Variants in SHANK2 observed in about 807,000 individuals in gnomAD.
SHANK2 encodes SH3 and multiple ankyrin repeat domains protein 2.
A neutral mutation model predicts 133.7 loss-of-function variants in SHANK2; 43 were observed. That is an observed-to-expected ratio of 0.32 (90% CI 0.25 to 0.41). SHANK2 has a LOEUF of 0.41. Ranked by LOEUF, SHANK2 falls within the 10% of genes least tolerant of loss-of-function variation. The pLI is 1.00. For synonymous variants in SHANK2, 1,017 were observed against 952.8 expected, an observed-to-expected ratio of 1.07 and a Z score of -1.24; for missense variants, 1,994 against 2,235.8, an observed-to-expected ratio of 0.89 and a Z score of 2.18.
intron 17 of SHANK2, among the ~76,000 whole-genome samples, chr11:70,641,152 G>A (rs1555006194): frequency 6.7e-6 from 1 of 148,398 alleles, no homozygotes; most frequent in Non-Finnish European, 1.5e-5. Flanking sequence ...CTGGAGTGCA[G>A]TGGCATGATC....
rs117331021 is a variant in SHANK2, at chr11:71,194,866, C to G, written c.-13+29831G>C. On this transcript the variant is annotated intron_variant, in intron 2 of 25. Coordinates refer to ENST00000601538, the MANE Select transcript of SHANK2 (RefSeq NM_012309.5). ...GAGAGCAAGGACCATGAGGAAGAAGCAAATCCTGGGTCCCAGCGCTACATC... is the reference window on the plus strand; with the variant it reads ...GAGAGCAAGGACCATGAGGAAGAAGGAAATCCTGGGTCCCAGCGCTACATC... 4.5e-3 allele frequency among the ~76,000 whole-genome samples: 691 copies of G among 152,250 alleles called. 4 individuals carry two copies. Among genetic ancestry groups the G allele is most frequent in the Admixed American group, 8.5e-3 (130 of 15,296 alleles).
rs896940822 is a variant in SHANK2 at position 71,078,865 on chromosome 11, C to T, written c.913-3590G>A. 3.9e-5 allele frequency among the ~76,000 whole-genome samples: 6 copies of T among 152,262 alleles called. No individual in the cohort carries two copies. In the East Asian group the frequency reaches 1.2e-3, roughly 29 times the overall value. ...TGAGCTGCTGCTTTGGGTACACTGCCTCTGGGGCAGCCCTGCTCTGCAAGG... is the reference window on the plus strand; with the variant it reads ...TGAGCTGCTGCTTTGGGTACACTGCTTCTGGGGCAGCCCTGCTCTGCAAGG... On this transcript the variant is annotated intron_variant, in intron 8 of 25. Transcript: ENST00000601538.
chr11:70,501,911 G>T lies in SHANK2; in HGVS notation c.2287+12C>A. Reference sequence around the variant, plus strand: ...GGGGGAGCTGCTTTGGGGACCCAGTGGGGCTGCTTACCTTTATCCACTAGT... The same window carrying T: ...GGGGGAGCTGCTTTGGGGACCCAGTTGGGCTGCTTACCTTTATCCACTAGT... On this transcript the variant is annotated intron_variant, in intron 20 of 25. Transcript: ENST00000601538. 6.4e-7 allele frequency: 1 copy of T among 1,560,000 alleles called. No individual in the cohort carries two copies. Among genetic ancestry groups the T allele is most frequent in the East Asian group, 2.4e-5 (1 of 41,824 alleles).
At chr11:70,675,542 C>T (rs561047258) in intron 15 of SHANK2, among the ~76,000 whole-genome samples, 22 of 152,234 alleles carry the variant, frequency 1.4e-4, no homozygotes, top group African/African-American at 3.9e-4. Context: ...GCCAGTTCCC[C>T]GACAGCTCAC....
In SHANK2 at chr11:71,075,195, C is replaced by T. The variant is rs1951202932; in HGVS notation, c.993G>A (p.Gly331=). 5 of 255,330 alleles carry T rather than the reference C, an allele frequency of 2.0e-5. No homozygotes were observed. The allele number at this position is 255,330 out of a possible 1,614,324, so 15.8% of individuals were successfully genotyped here. The change falls in exon 9 of 26, where the codon GGG becomes GGA. Residue 331 remains glycine (G), a synonymous_variant. Transcript: ENST00000601538. The part of the protein sequence containing the change: ...GADMSAQNAS[G]NTALHICALY... ...GGGCGCAGATGTGCAAGGCCGTGTT[C>T]CCCGAGGCATTCTGGGCACTCATGT...
intron 14 of SHANK2, among the ~76,000 whole-genome samples, chr11:70,777,532 C>T (rs1947393212): frequency 6.6e-6 from 1 of 152,000 alleles, no homozygotes; most frequent in South Asian, 2.1e-4. Flanking sequence ...TCCATCCATC[C>T]ATCCATCCAT....
intron 17 of SHANK2, among the ~76,000 whole-genome samples, chr11:70,614,543 C>T (rs1327045055): frequency 1.3e-5 from 2 of 152,150 alleles, no homozygotes; most frequent in African/African-American, 4.8e-5. Flanking sequence ...CAACTCCTGA[C>T]CTCAGGTGAT....
At chr11:71,164,787 C>T (rs184076606) in intron 2 of SHANK2, among the ~76,000 whole-genome samples, 24 of 152,222 alleles carry the variant, frequency 1.6e-4, no homozygotes, top group Non-Finnish European at 2.9e-4. Context: ...CATCAAACGC[C>T]GGCCTCAGGC....
chr11:70,801,642 G>A (rs1170041392), intron 13 of SHANK2, among the ~76,000 whole-genome samples: 1 of 152,178 alleles, frequency 6.6e-6, no homozygotes, highest in African/African-American at 2.4e-5. Context: ...AGAAGAGGAA[G>A]TCCCCATCCA....
At chr11:70,613,763 G>GTTTTTTTTTTTTTTTTTTTTTTTT (rs57180024) in intron 17 of SHANK2, among the ~76,000 whole-genome samples, 4 of 123,776 alleles carry the variant, frequency 3.2e-5, no homozygotes, top group Non-Finnish European at 3.2e-5. Flanking sequence ...AGGGGAACTT[G>GTTTTTTTTTTTTTTTTTTTTTTTT]TTTTTTTTTT....
At chr11:70,613,625 C>T (rs2060695888) in intron 17 of SHANK2, among the ~76,000 whole-genome samples, 1 of 152,172 alleles carries the variant, frequency 6.6e-6, no homozygotes, top group Non-Finnish European at 1.5e-5. Flanking sequence ...GTCCTCACCC[C>T]AGGATCTCAG....
intron 15 of SHANK2, among the ~76,000 whole-genome samples, chr11:70,695,009 C>A (rs1945362937): frequency 6.6e-6 from 1 of 152,180 alleles, no homozygotes; most frequent in Non-Finnish European, 1.5e-5. Context: ...GCTAACCCTG[C>A]ACCCGTTATG....
chr11:70,913,494 A>G (rs766577307), intron 10 of SHANK2, among the ~76,000 whole-genome samples: 4 of 152,224 alleles, frequency 2.6e-5, no homozygotes, highest in Non-Finnish European at 5.9e-5. Flanking sequence ...CTGGCAGGTA[A>G]AAGTTCAGGA....
chr11:70,821,198 G>GGTGGAGGGCCATTA lies in SHANK2; in HGVS notation c.1175-530_1175-517dup, dbSNP rs1166859794. Among the ~76,000 whole-genome samples the GGTGGAGGGCCATTA allele has an allele frequency of 2.2e-3, 340 of 152,278 alleles. 2 individuals are homozygous for GGTGGAGGGCCATTA. Among genetic ancestry groups the GGTGGAGGGCCATTA allele is most frequent in the African/African-American group, 7.6e-3 (316 of 41,552 alleles). On this transcript the variant is annotated intron_variant, in intron 11 of 25. Coordinates refer to ENST00000601538, the MANE Select transcript of SHANK2 (RefSeq NM_012309.5). ...GTAAGGTCTTTACAGAGATCATCTG[G>GGTGGAGGGCCATTA]GTGGAGGGCCATTAGTGGGGGCCCT...
rs55892344 is a variant in SHANK2, at chr11:71,142,812, C to CAA, written c.207+4306_207+4307dup. 4.9e-3 allele frequency among the ~76,000 whole-genome samples: 662 copies of CAA among 135,628 alleles called. 5 individuals carry two copies. Among genetic ancestry groups the CAA allele is most frequent in the Non-Finnish European group, 8.6e-3 (535 of 62,528 alleles). 89.0% of individuals were successfully genotyped at this position (135,628 alleles called of 152,430 possible). On this transcript the variant is annotated intron_variant, in intron 3 of 25. Coordinates refer to ENST00000601538, the MANE Select transcript of SHANK2 (RefSeq NM_012309.5). ...AAGCCACTTCTTTAGGAATCTAGTC[C>CAA]AAAAAAAAAAAAAAGTCACCTATGA...
intron 2 of SHANK2, among the ~76,000 whole-genome samples, chr11:71,157,192 A>G (rs1952923606): frequency 6.6e-6 from 1 of 152,252 alleles, no homozygotes; most frequent in Admixed American, 6.5e-5. Flanking sequence ...TCTATCTAAA[A>G]GAAATGGGCT....
chr11:70,674,491 G>A (rs530742889), intron 15 of SHANK2, among the ~76,000 whole-genome samples: 4 of 152,178 alleles, frequency 2.6e-5, no homozygotes, highest in Non-Finnish European at 5.9e-5. Context: ...TGTAATTATG[G>A]GAGCCCGCCA....
intron 14 of SHANK2, among the ~76,000 whole-genome samples, chr11:70,753,542 G>T (rs1555037952): frequency 6.6e-6 from 1 of 152,118 alleles, no homozygotes; most frequent in Non-Finnish European, 1.5e-5. Context: ...AAAACTTAAT[G>T]AAGTTCAAAG....
At chr11:70,510,093 G>C (rs782114429) in intron 17 of SHANK2, among the ~76,000 whole-genome samples, 4 of 152,150 alleles carry the variant, frequency 2.6e-5, no homozygotes, top group Non-Finnish European at 5.9e-5. Flanking sequence ...TTGGCCAGCA[G>C]GTGACCCAGG....
Sources: allele counts gnomAD v4.1 joint callset (sites outside exome capture counted in the v4.1 genomes callset), GRCh38; gene constraint gnomAD v4.1.1; transcripts MANE v1.5; gene names NCBI Gene and HGNC (gene_info 2026-07-23, HGNC 2026-07-21).